HCN1: variants seen among roughly 807,000 people sequenced by gnomAD.
HCN1 encodes potassium/sodium hyperpolarization-activated cyclic nucleotide-gated channel 1.
A neutral mutation model predicts 78.9 loss-of-function variants in HCN1; 13 were observed. The observed-to-expected ratio is 0.16, with a 90% CI of 0.11 to 0.26. HCN1 has a LOEUF of 0.26. Among genes scored for constraint, HCN1 ranks in the 10% least tolerant of loss-of-function variants. The pLI, the probability that HCN1 is intolerant of heterozygous loss-of-function variation, is 1.00. For synonymous variants in HCN1, 552 were observed against 455.5 expected (o/e 1.21, Z -2.70); for missense variants, 810 against 1,154.3 (o/e 0.70, Z 4.32).
chr5:45,405,703 C>T (rs1326564504), intron 3 of HCN1, among the ~76,000 whole-genome samples: 2 of 152,048 alleles, frequency 1.3e-5, no homozygotes, highest in Non-Finnish European at 2.9e-5. Flanking sequence ...ACACTTTGCC[C>T]GGCGTATTTT....
chr5:45,680,458 A>C (rs1019586583), intron 1 of HCN1, among the ~76,000 whole-genome samples: 1 of 152,144 alleles, frequency 6.6e-6, no homozygotes, highest in African/African-American at 2.4e-5. Flanking sequence ...TTTGCATCCC[A>C]AAATGTTGGT....
intron 2 of HCN1, among the ~76,000 whole-genome samples, chr5:45,530,252 T>G (rs1201809575): frequency 6.6e-6 from 1 of 151,942 alleles, no homozygotes; most frequent in Non-Finnish European, 1.5e-5. Context: ...TGAAAACACT[T>G]TATAAATCAT....
chr5:45,344,684 C>T (rs1315733224), intron 5 of HCN1, among the ~76,000 whole-genome samples: 2 of 152,214 alleles, frequency 1.3e-5, no homozygotes, highest in Non-Finnish European at 1.5e-5. Context: ...GACTCCATGT[C>T]TCACATCCAG....
intron 2 of HCN1, among the ~76,000 whole-genome samples, chr5:45,511,183 T>C (rs1742408735): frequency 6.6e-6 from 1 of 152,002 alleles, no homozygotes; most frequent in African/African-American, 2.4e-5. Context: ...AAATAAATAA[T>C]GTATTATTAG....
chr5:45,687,989 C>T (rs975390200), intron 1 of HCN1, among the ~76,000 whole-genome samples: 18 of 152,136 alleles, frequency 1.2e-4, no homozygotes, highest in Admixed American at 1.3e-4. Flanking sequence ...TTCAGTCTGG[C>T]TTTCCTGGAA....
intron 5 of HCN1, among the ~76,000 whole-genome samples, chr5:45,312,739 G>T (rs1481143286): frequency 1.3e-5 from 2 of 152,182 alleles, no homozygotes; most frequent in Non-Finnish European, 1.5e-5. Flanking sequence ...TGGCTCAGGG[G>T]GTCCCACGCC....
At chr5:45,383,282 T>C (rs968278976) in intron 4 of HCN1, among the ~76,000 whole-genome samples, 1 of 152,190 alleles carries the variant, frequency 6.6e-6, no homozygotes, top group Non-Finnish European at 1.5e-5. Flanking sequence ...AATTTGCATG[T>C]TTTATTGCTA....
intron 4 of HCN1, among the ~76,000 whole-genome samples, chr5:45,386,723 T>A (rs1267528708): frequency 6.6e-6 from 1 of 152,192 alleles, no homozygotes; most frequent in Non-Finnish European, 1.5e-5. Context: ...TAAAATAAAA[T>A]TCAGTATTTT....
chr5:45,384,414 G>T (rs747822519), intron 4 of HCN1, among the ~76,000 whole-genome samples: 5 of 152,024 alleles, frequency 3.3e-5, no homozygotes, highest in Non-Finnish European at 5.9e-5. Context: ...TAAAACTCAT[G>T]AAAATCAATT....
chr5:45,658,731 T>C (rs1484816834), intron 1 of HCN1, among the ~76,000 whole-genome samples: 4 of 151,952 alleles, frequency 2.6e-5, no homozygotes, highest in Non-Finnish European at 4.4e-5. Flanking sequence ...CACCCGAATA[T>C]TGCACTTTTC....
At chr5:45,570,526 G>C (rs1743804519) in intron 2 of HCN1, among the ~76,000 whole-genome samples, 1 of 152,104 alleles carries the variant, frequency 6.6e-6, no homozygotes, top group African/African-American at 2.4e-5. Context: ...CTATTTTGTT[G>C]CTTTCCTGGT....
chr5:45,543,708 G>C (rs964770443), intron 2 of HCN1, among the ~76,000 whole-genome samples: 4 of 152,026 alleles, frequency 2.6e-5, no homozygotes, highest in African/African-American at 9.7e-5. Context: ...TGAGGTAATA[G>C]AAATGCTGGC....
chr5:45,426,797 T>A (rs1439356871), intron 3 of HCN1, among the ~76,000 whole-genome samples: 2 of 152,112 alleles, frequency 1.3e-5, no homozygotes, highest in Non-Finnish European at 2.9e-5. Flanking sequence ...TTAACTGTAC[T>A]AAAAATAAAA....
intron 2 of HCN1, among the ~76,000 whole-genome samples, chr5:45,473,300 C>T (rs1037672824): frequency 6.6e-6 from 1 of 151,944 alleles, no homozygotes; most frequent in African/African-American, 2.4e-5. Flanking sequence ...GTTTCCTATA[C>T]TGTCTAGTGA....
At chr5:45,372,187 TACA>T (rs1216768573) in intron 4 of HCN1, among the ~76,000 whole-genome samples, 2 of 60,310 alleles carry the variant, frequency 3.3e-5, no homozygotes, top group East Asian at 7.2e-4. Context: ...TATAATATAA[TACA>T]ATTAATATAA....
At position 45,425,685 on chromosome 5, in the gene HCN1, T is replaced by C. The variant is rs989727907; in HGVS notation, c.1012-28975A>G. Among the ~76,000 whole-genome samples, 7 of 152,324 alleles carry C rather than the reference T, an allele frequency of 4.6e-5. No homozygotes were observed. In the East Asian group the frequency reaches 1.3e-3, roughly 29 times the overall value. On this transcript the variant is annotated intron_variant, in intron 3 of 7. Coordinates refer to ENST00000303230, the MANE Select transcript of HCN1 (RefSeq NM_021072.4). The stretch of plus-strand genomic sequence containing the variant: ...GAGGAAGAGCTTTGAATTAATTCTA[T>C]GCTACACATTTTAAAATGAATTAGA...
intron 5 of HCN1, among the ~76,000 whole-genome samples, chr5:45,323,122 A>G (rs973338111): frequency 7.9e-5 from 12 of 151,986 alleles, no homozygotes; most frequent in African/African-American, 2.6e-4. Context: ...TACTTCTTCA[A>G]TTGTAAACTG....
At chr5:45,461,736 T>C in intron 3 of HCN1, 110 bp downstream of exon 3, 1 of 1,030,300 alleles carries the variant, frequency 9.7e-7, no homozygotes, top group Non-Finnish European at 1.5e-6. Context: ...CAAAATCAAG[T>C]TGTCTGTAAA....
At chr5:45,402,843 C>T (rs567847248) in intron 3 of HCN1, among the ~76,000 whole-genome samples, 1 of 146,528 alleles carries the variant, frequency 6.8e-6, no homozygotes, top group Non-Finnish European at 1.5e-5. Context: ...TTCCTTCCTT[C>T]CTTCCTTCCT....
Sources: allele counts gnomAD v4.1 joint callset (sites outside exome capture counted in the v4.1 genomes callset), GRCh38; gene constraint gnomAD v4.1.1; transcripts MANE v1.5; gene names NCBI Gene and HGNC (gene_info 2026-07-23, HGNC 2026-07-21).